SYN3: variants seen among roughly 807,000 people sequenced by gnomAD.
SYN3 encodes the protein synapsin III, also known as synapsin-3.
SYN3 carries 35 observed loss-of-function variants against 65.8 expected under a neutral mutation model. The ratio of observed to expected loss-of-function variants is 0.53; its 90% CI spans 0.41 to 0.70. SYN3 has a LOEUF of 0.70. SYN3 is among the 30% of genes least tolerant of loss of function. The probability of loss-of-function intolerance (pLI) is 0.00; values close to 1 mark genes in which losing one functional copy is unlikely to be tolerated. For missense variants in SYN3, 680 were observed against 749.0 expected, an observed-to-expected ratio of 0.91 and a Z score of 1.08; for synonymous variants, 270 against 292.9, an observed-to-expected ratio of 0.92 and a Z score of 0.80.
At chr22:32,792,550 C>T (rs130559) in intron 6 of SYN3, among the ~76,000 whole-genome samples, 25,235 of 152,046 alleles carry the variant, frequency 0.17, 2,646 homozygotes, top group East Asian at 0.35. Context: ...TGGTTCTGGG[C>T]CCTATCTACG....
intron 6 of SYN3, among the ~76,000 whole-genome samples, chr22:32,854,899 G>A (rs2048323190): frequency 6.6e-6 from 1 of 152,144 alleles, no homozygotes; most frequent in African/African-American, 2.4e-5. Flanking sequence ...AACAGACCAA[G>A]TTATGCTATG....
chr22:32,939,517 G>A (rs1032649931), intron 3 of SYN3, among the ~76,000 whole-genome samples: 4 of 152,090 alleles, frequency 2.6e-5, no homozygotes, highest in Non-Finnish European at 5.9e-5. Context: ...CCTCATTCCA[G>A]CTGATCTCAC....
At chr22:32,925,116 G>C (rs2050435058) in intron 4 of SYN3, among the ~76,000 whole-genome samples, 1 of 152,118 alleles carries the variant, frequency 6.6e-6, no homozygotes, top group South Asian at 2.1e-4. Context: ...GCTATTGGCA[G>C]AGTTGGTTTT....
intron 6 of SYN3, among the ~76,000 whole-genome samples, chr22:32,661,735 G>A (rs1340141112): frequency 2.0e-5 from 3 of 152,118 alleles, no homozygotes; most frequent in East Asian, 3.9e-4. Context: ...CATCCTCAAA[G>A]AGCATCTGGA....
chr22:32,569,275 C>G (rs1031148625), intron 7 of SYN3, among the ~76,000 whole-genome samples: 2 of 150,608 alleles, frequency 1.3e-5, no homozygotes, highest in Admixed American at 6.7e-5. Context: ...ATCTATCTAT[C>G]TATCTATCTA....
At chr22:32,641,670 A>T (rs1232455374) in intron 6 of SYN3, among the ~76,000 whole-genome samples, 1 of 151,000 alleles carries the variant, frequency 6.6e-6, no homozygotes, top group African/African-American at 2.4e-5. Context: ...GGGAAGGGGA[A>T]TGACTGCTTA....
intron 6 of SYN3, among the ~76,000 whole-genome samples, chr22:32,631,058 C>T (rs1278225187): frequency 6.7e-6 from 1 of 148,916 alleles, no homozygotes; most frequent in African/African-American, 2.6e-5. Flanking sequence ...ATTTGGGAGG[C>T]CGAGGCGGGC....
At chr22:32,561,041 C>T (rs939493309) in intron 7 of SYN3, among the ~76,000 whole-genome samples, 8 of 152,174 alleles carry the variant, frequency 5.3e-5, no homozygotes, top group Admixed American at 5.2e-4. Flanking sequence ...CCTCAGCCCA[C>T]CCACAAATGG....
chr22:32,701,413 G>A (rs2060808498), intron 6 of SYN3, among the ~76,000 whole-genome samples: 1 of 152,002 alleles, frequency 6.6e-6, no homozygotes, highest in African/African-American at 2.4e-5. Flanking sequence ...ATGTAAGAAA[G>A]CAGAAAAATA....
intron 9 of SYN3, among the ~76,000 whole-genome samples, chr22:32,535,770 G>A (rs372987706): frequency 2.3e-4 from 33 of 143,074 alleles, no homozygotes; most frequent in African/African-American, 7.7e-4. Context: ...GCGTGAGAGT[G>A]CTTGGAGAAT....
At chr22:33,033,955 C>T (rs1423466528) in intron 1 of SYN3, among the ~76,000 whole-genome samples, 5 of 151,930 alleles carry the variant, frequency 3.3e-5, no homozygotes, top group East Asian at 2.0e-4. Context: ...GAGGCTGAGG[C>T]GGGTGGATCA....
intron 7 of SYN3, among the ~76,000 whole-genome samples, chr22:32,565,869 C>T (rs1464987919): frequency 4.6e-5 from 7 of 152,060 alleles, no homozygotes; most frequent in South Asian, 2.1e-4. Context: ...CCCACCACCA[C>T]GCCCAGCTAA....
At chr22:32,723,188 G>A (rs1283615288) in intron 6 of SYN3, among the ~76,000 whole-genome samples, 1 of 152,216 alleles carries the variant, frequency 6.6e-6, no homozygotes, top group East Asian at 1.9e-4. Flanking sequence ...CCAGCAGCAA[G>A]GGCTCTGGAG....
At chr22:32,595,285 C>T (rs1333933003) in intron 7 of SYN3, among the ~76,000 whole-genome samples, 1 of 152,084 alleles carries the variant, frequency 6.6e-6, no homozygotes. Context: ...TGGCTCACAG[C>T]CATTTTGACT....
At chr22:33,031,711 C>T (rs1045647096) in intron 1 of SYN3, among the ~76,000 whole-genome samples, 10 of 152,076 alleles carry the variant, frequency 6.6e-5, no homozygotes, top group Non-Finnish European at 1.2e-4. Context: ...GCACCCCTGT[C>T]CCCCATGCCC....
chr22:33,006,842 A>G lies in SYN3; in HGVS notation c.-162-18T>C. 1 of 565,790 alleles carries G rather than the reference A, an allele frequency of 1.8e-6. No homozygotes were observed. Among genetic ancestry groups the G allele is most frequent in the Non-Finnish European group, 3.1e-6 (1 of 327,590 alleles). The allele number at this position is 565,790 out of a possible 1,614,324, so 35.0% of individuals were successfully genotyped here. On this transcript the variant is annotated intron_variant, in intron 1 of 13. Coordinates refer to ENST00000358763, the MANE Select transcript of SYN3 (RefSeq NM_003490.4). Reference sequence around the variant, plus strand: ...TTTACCTGCTGGAAATAAGCCAACAAATACATAAGTGGAAACGACCTCCAC... The same window carrying G: ...TTTACCTGCTGGAAATAAGCCAACAGATACATAAGTGGAAACGACCTCCAC...
intron 3 of SYN3, among the ~76,000 whole-genome samples, chr22:32,957,200 C>A (rs1340736718): frequency 6.6e-6 from 1 of 152,190 alleles, no homozygotes; most frequent in Non-Finnish European, 1.5e-5. Flanking sequence ...AGCACGAGGG[C>A]TCCAAGATTA....
rs143538267 is a variant in SYN3, at chr22:32,628,932, T to C, written c.712-32196A>G. ...AGGCTGTGGTCTCCCAGGTGCCCTG[T>C]TGGGCTCTTTAGGGAGGGACTTAGA... is the stretch of plus-strand genomic sequence containing the variant. On this transcript the variant is annotated intron_variant, in intron 6 of 13. Transcript: ENST00000358763. 3.4e-4 allele frequency among the ~76,000 whole-genome samples: 52 copies of C among 152,274 alleles called. No individual in the cohort carries two copies. In the East Asian group the frequency reaches 8.7e-3, roughly 25 times the overall value.
chr22:32,552,904 G>A (rs1041445581), intron 7 of SYN3, among the ~76,000 whole-genome samples: 9 of 152,114 alleles, frequency 5.9e-5, no homozygotes, highest in African/African-American at 2.2e-4. Flanking sequence ...GAGACTAGGC[G>A]GCTTAAACAG....
Sources: gnomAD v4.1 joint callset for allele counts (sites outside exome capture counted in the v4.1 genomes callset) on GRCh38, gnomAD v4.1.1 for gene constraint, MANE v1.5 for transcripts, NCBI Gene and HGNC (gene_info 2026-07-23, HGNC 2026-07-21) for gene names.